MYT1L: variants seen among roughly 807,000 people sequenced by gnomAD.
MYT1L encodes the protein myelin transcription factor 1-like protein.
A neutral mutation model predicts 126.7 loss-of-function variants in MYT1L; 12 were observed. The ratio of observed to expected loss-of-function variants is 0.09; its 90% CI spans 0.06 to 0.15. The LOEUF (loss-of-function observed/expected upper bound fraction) is 0.15. Among genes scored for constraint, MYT1L ranks in the 10% least tolerant of loss-of-function variants. MYT1L has a pLI of 1.00. For missense variants in MYT1L, 979 were observed against 1,585.2 expected (o/e 0.62, Z 6.49); for synonymous variants, 541 against 604.2 (o/e 0.90, Z 1.53).
chr2:2,005,015 C>G (rs578242596), intron 4 of MYT1L, among the ~76,000 whole-genome samples: 1 of 149,098 alleles, frequency 6.7e-6, no homozygotes, highest in African/African-American at 2.6e-5. Context: ...TGCCTTCTTT[C>G]CTGCGTGCCT....
At chr2:1,950,986 G>A (rs1034570955) in intron 8 of MYT1L, among the ~76,000 whole-genome samples, 3 of 152,132 alleles carry the variant, frequency 2.0e-5, no homozygotes, top group Non-Finnish European at 4.4e-5. Flanking sequence ...TGTGGGACGC[G>A]GCCTGGTTGC....
chr2:1,894,309 G>A (rs1215174119), intron 14 of MYT1L, among the ~76,000 whole-genome samples: 1 of 152,122 alleles, frequency 6.6e-6, no homozygotes, highest in East Asian at 1.9e-4. Flanking sequence ...CCACACCAGG[G>A]CCTTTGAGAG....
At chr2:2,051,776 T>C (rs1184971030) in intron 4 of MYT1L, among the ~76,000 whole-genome samples, 1 of 152,140 alleles carries the variant, frequency 6.6e-6, no homozygotes, top group Non-Finnish European at 1.5e-5. Context: ...AACTTTTTCT[T>C]TCCAAACAGA....
rs1482536166 is a variant in MYT1L at position 2,071,919 on chromosome 2, G to A, written c.-303-17796C>T. On this transcript the variant is annotated intron_variant, in intron 3 of 24. Transcript: ENST00000647738. ...GCACTGAAGAGCTGTGGGCGAGGAG[G>A]GAGAGCAGATTTTAGTTTGGCACAA... 5.3e-5 allele frequency among the ~76,000 whole-genome samples: 8 copies of A among 152,138 alleles called. No homozygotes were observed. The East Asian group carries it at 1.2e-3, about 22-fold the overall frequency.
Position 1,829,584 on chromosome 2 carries a change from T to TGACCCTCCCATGCACCTGTGAAC in MYT1L, c.3080+9564_3080+9565insGTTCACAGGTGCATGGGAGGGTC, listed in dbSNP as rs1558678664. 3.2e-4 allele frequency among the ~76,000 whole-genome samples: 15 copies of TGACCCTCCCATGCACCTGTGAAC among 46,504 alleles called. 4 individuals are homozygous for TGACCCTCCCATGCACCTGTGAAC. Among genetic ancestry groups the TGACCCTCCCATGCACCTGTGAAC allele is most frequent in the East Asian group, 1.5e-3 (1 of 656 alleles). The allele number at this position is 46,504 out of a possible 152,430, so 30.5% of individuals were successfully genotyped here. On this transcript the variant is annotated intron_variant, in intron 21 of 24. Coordinates refer to ENST00000647738, the MANE Select transcript of MYT1L (RefSeq NM_001303052.2). ...ACTGACCCTCCCATGCACCTGTGAA[T>TGACCCTCCCATGCACCTGTGAAC]TGACCCTCCCATGCACCTGTGAACT...
chr2:1,849,509 C>A (rs1237929050), intron 19 of MYT1L, among the ~76,000 whole-genome samples: 8 of 152,314 alleles, frequency 5.3e-5, no homozygotes, highest in Middle Eastern at 3.4e-3. Flanking sequence ...GGCAGTGGTC[C>A]CCCCAGGGGA....
intron 18 of MYT1L, among the ~76,000 whole-genome samples, chr2:1,876,433 T>C (rs970568778): frequency 2.0e-5 from 3 of 151,934 alleles, no homozygotes; most frequent in Non-Finnish European, 4.4e-5. Flanking sequence ...CCCCCACACA[T>C]GCACGACATC....
In MYT1L at chr2:1,927,814, A is replaced by T. The variant is rs868108641; in HGVS notation, c.506-4551T>A. ...TACAGAGGTGGTGTTTTGTTACATA[A>T]ATAAATCAATATCAAAATATATTTT... On this transcript the variant is annotated intron_variant, in intron 9 of 24. Coordinates refer to ENST00000647738, the MANE Select transcript of MYT1L (RefSeq NM_001303052.2). Among the ~76,000 whole-genome samples, 44 of 152,354 alleles carry T rather than the reference A, an allele frequency of 2.9e-4. No individual in the cohort carries two copies. In the Middle Eastern group the frequency reaches 0.014, roughly 47 times the overall value.
chr2:1,983,356 C>T (rs1574217806), intron 5 of MYT1L, among the ~76,000 whole-genome samples: 1 of 152,356 alleles, frequency 6.6e-6, no homozygotes, highest in Non-Finnish European at 1.5e-5. Context: ...CTTTCCCTTT[C>T]AGCCAATGAA....
chr2:2,144,705 C>G (rs781600162), intron 3 of MYT1L, among the ~76,000 whole-genome samples: 3 of 152,112 alleles, frequency 2.0e-5, no homozygotes, highest in Non-Finnish European at 4.4e-5. Flanking sequence ...GATACACTTA[C>G]ATGTAATGGA....
intron 2 of MYT1L, among the ~76,000 whole-genome samples, chr2:2,188,706 A>G (rs966338101): frequency 2.0e-5 from 3 of 152,014 alleles, no homozygotes; most frequent in Non-Finnish European, 4.4e-5. Flanking sequence ...TGTCTCGGGC[A>G]GATGCTCATG....
intron 8 of MYT1L, among the ~76,000 whole-genome samples, chr2:1,951,761 C>T (rs780666273): frequency 1.7e-4 from 26 of 152,180 alleles, no homozygotes; most frequent in Non-Finnish European, 3.7e-4. Context: ...GACTAGCAAG[C>T]GGGGGTGCTT....
chr2:2,268,515 C>T (rs577339948), intron 2 of MYT1L, among the ~76,000 whole-genome samples: 12 of 152,126 alleles, frequency 7.9e-5, no homozygotes, highest in South Asian at 2.1e-4. Context: ...AATAGTAATA[C>T]GTATAACAAA....
rs1290835560 is a variant in MYT1L at position 1,790,070 on chromosome 2, T to TATA, written c.*1794_*1796dup. 1 of 152,200 alleles carries TATA rather than the reference T, an allele frequency of 6.6e-6. No homozygotes were observed. The highest frequency in any genetic ancestry group is 1.5e-5 in the Non-Finnish European group (1 of 68,042). 9.4% of individuals were successfully genotyped at this position (152,200 alleles called of 1,614,324 possible). On this transcript the variant is annotated 3_prime_UTR_variant, in exon 25 of 25. Transcript: ENST00000647738. Reference sequence around the variant, plus strand: ...TATTGATCAGCCGTGAGGGCTCCTCTATAATCCATCCAGGTTCAGTGTCAC... The same window carrying TATA: ...TATTGATCAGCCGTGAGGGCTCCTCTATAATAATCCATCCAGGTTCAGTGTCAC...
intron 21 of MYT1L, among the ~76,000 whole-genome samples, chr2:1,813,442 G>A (rs1163876220): frequency 6.6e-6 from 1 of 152,186 alleles, no homozygotes; most frequent in Non-Finnish European, 1.5e-5. Flanking sequence ...TTCTCTGAGA[G>A]CAGCTGCCGA....
intron 9 of MYT1L, among the ~76,000 whole-genome samples, chr2:1,933,934 G>A (rs2055367594): frequency 1.3e-5 from 2 of 151,908 alleles, no homozygotes; most frequent in African/African-American, 4.8e-5. Context: ...TGGATGCAGA[G>A]GTGGAAGTTC....
At chr2:1,993,471 T>C (rs1196610555) in intron 5 of MYT1L, among the ~76,000 whole-genome samples, 1 of 152,062 alleles carries the variant, frequency 6.6e-6, no homozygotes, top group Non-Finnish European at 1.5e-5. Flanking sequence ...CTTGCTATTT[T>C]TCACTTAAAA....
intron 8 of MYT1L, among the ~76,000 whole-genome samples, chr2:1,975,806 G>T (rs2060131423): frequency 1.3e-5 from 2 of 152,340 alleles, no homozygotes; most frequent in Non-Finnish European, 2.9e-5. Context: ...AGAGGTTTCA[G>T]TGAGCTTAGA....
At chr2:2,003,994 C>A (rs1015481537) in intron 4 of MYT1L, among the ~76,000 whole-genome samples, 4 of 136,412 alleles carry the variant, frequency 2.9e-5, no homozygotes, top group Admixed American at 6.9e-5. Flanking sequence ...TGCAAGCGTT[C>A]TTTCCTGCAT....
Sources: allele counts gnomAD v4.1 joint callset (sites outside exome capture counted in the v4.1 genomes callset), GRCh38; gene constraint gnomAD v4.1.1; transcripts MANE v1.5; gene names NCBI Gene and HGNC (gene_info 2026-07-23, HGNC 2026-07-21).